Variants in ZSCAN4 observed in about 807,000 individuals in gnomAD.
ZSCAN4 encodes the protein zinc finger and SCAN domain containing 4.
ZSCAN4 carries 18 observed loss-of-function variants against 18.3 expected under a neutral mutation model. The ratio of observed to expected loss-of-function variants is 0.98; its 90% CI spans 0.68 to 1.46. ZSCAN4 has a LOEUF of 1.46. ZSCAN4 is among the 40% of genes most tolerant of loss of function. The pLI, the probability that ZSCAN4 is intolerant of heterozygous loss-of-function variation, is 0.00. For missense variants in ZSCAN4, 498 were observed against 511.4 expected, an observed-to-expected ratio of 0.97 and a Z score of 0.25; for synonymous variants, 193 against 180.3, an observed-to-expected ratio of 1.07 and a Z score of -0.57.
At chr19:57,672,596 A>G (rs2122297479) in intron 2 of ZSCAN4, among the ~76,000 whole-genome samples, 1 of 142,316 alleles carries the variant, frequency 7.0e-6, no homozygotes, top group Admixed American at 7.2e-5. Context: ...ATCACCTCAC[A>G]TAGTTATCTT....
the ZSCAN4 span, among the ~76,000 whole-genome samples, chr19:57,656,336 C>A: frequency 9.2e-5 from 14 of 152,240 alleles, no homozygotes; most frequent in African/African-American, 2.9e-4. Context: ...CAAACTAACA[C>A]TGGGGCTACC....
At chr19:57,667,517 A>G (rs1322150799), upstream of ZSCAN4, among the ~76,000 whole-genome samples, 2 of 152,188 alleles carry the variant, frequency 1.3e-5, no homozygotes, top group Non-Finnish European at 2.9e-5. Flanking sequence ...TGTGATGGAA[A>G]TGGGTTAACA....
At chr19:57,667,321 T>C (rs1203572192), upstream of ZSCAN4, among the ~76,000 whole-genome samples, 1 of 152,212 alleles carries the variant, frequency 6.6e-6, no homozygotes, top group East Asian at 1.9e-4. Flanking sequence ...CTGCTGGTTT[T>C]ACACAGTGGC....
At chr19:57,662,858 CCTAAGA>C in the ZSCAN4 span, among the ~76,000 whole-genome samples, 1 of 151,958 alleles carries the variant, frequency 6.6e-6, no homozygotes, top group South Asian at 2.1e-4. Context: ...CTACACCCAG[CCTAAGA>C]CTATTCTTTA....
At chr19:57,661,566 T>C in the ZSCAN4 span, among the ~76,000 whole-genome samples, 1 of 152,210 alleles carries the variant, frequency 6.6e-6, no homozygotes, top group South Asian at 2.1e-4. Flanking sequence ...TTCAATGGCA[T>C]AAGTGGTTTA....
the ZSCAN4 span, among the ~76,000 whole-genome samples, chr19:57,655,742 C>T: frequency 7.4e-4 from 112 of 152,118 alleles, 1 homozygote; most frequent in East Asian, 0.021. Flanking sequence ...CTATAAGGAC[C>T]TTTGACTCTG....
chr19:57,666,637 A>G (rs1983857650), upstream of ZSCAN4, among the ~76,000 whole-genome samples: 1 of 151,042 alleles, frequency 6.6e-6, no homozygotes, highest in South Asian at 2.1e-4. Flanking sequence ...TAATCCCAGC[A>G]CCTGGGGAGG....
At chr19:57,653,946 A>G in the ZSCAN4 span, among the ~76,000 whole-genome samples, 10 of 152,288 alleles carry the variant, frequency 6.6e-5, no homozygotes, top group East Asian at 1.9e-3. Flanking sequence ...TCTGGCAAGC[A>G]TTCTTGGCCT....
intron 2 of ZSCAN4, among the ~76,000 whole-genome samples, chr19:57,671,905 C>T (rs971893537): frequency 4.6e-5 from 7 of 152,154 alleles, no homozygotes; most frequent in African/African-American, 1.4e-4. Flanking sequence ...TTTTGTGTGT[C>T]CACGTATTAC....
At chr19:57,678,911 T>A in exon 5 of ZSCAN4, 1 of 1,579,280 alleles carries the variant, frequency 6.3e-7, no homozygotes, top group Non-Finnish European at 8.6e-7. Flanking sequence ...CCTAAGCTGC[T>A]GGTCTGATAA....
At chr19:57,659,002 T>C in the ZSCAN4 span, among the ~76,000 whole-genome samples, 3 of 152,290 alleles carry the variant, frequency 2.0e-5, no homozygotes, top group East Asian at 5.8e-4. Flanking sequence ...GGTCACTGTC[T>C]GCACATATAG....
intron 3 of ZSCAN4, among the ~76,000 whole-genome samples, chr19:57,676,978 C>T (rs953837622): frequency 1.3e-5 from 2 of 152,134 alleles, no homozygotes; most frequent in African/African-American, 4.8e-5. Context: ...AGCGTTCCAC[C>T]ATGTTGGCCA....
chr19:57,678,168 T>C (rs750765480), exon 5 of ZSCAN4: 1 of 1,612,954 alleles, frequency 6.2e-7, no homozygotes, highest in South Asian at 1.1e-5. Flanking sequence ...TTTCACAGGA[T>C]ATGAAGATGA....
chr19:57,657,657 G>C, the ZSCAN4 span, among the ~76,000 whole-genome samples: 2 of 152,180 alleles, frequency 1.3e-5, no homozygotes. Context: ...AGAAATACTT[G>C]TATAATCATT....
intron 2 of ZSCAN4, among the ~76,000 whole-genome samples, chr19:57,671,269 A>G (rs1984015619): frequency 6.6e-6 from 1 of 152,114 alleles, no homozygotes; most frequent in Non-Finnish European, 1.5e-5. Flanking sequence ...TGCCTGCGTC[A>G]CAGTTTGTAA....
In ZSCAN4 at chr19:57,675,701, C is replaced by T. The variant is rs570922222; in HGVS notation, c.-105-340C>T. Among the ~76,000 whole-genome samples, 8 of 152,270 alleles carry T rather than the reference C, an allele frequency of 5.3e-5. No individual in the cohort carries two copies. In the East Asian group the frequency reaches 9.6e-4, roughly 18 times the overall value. On this transcript the variant is annotated intron_variant, in intron 2 of 4. Transcript: ENST00000318203. ...TTATTATGTTCTTGTATCCATATCC[C>T]GTTAACGAAGTAAATTGCATTGATT...
At chr19:57,660,964 G>T in the ZSCAN4 span, among the ~76,000 whole-genome samples, 1 of 152,112 alleles carries the variant, frequency 6.6e-6, no homozygotes, top group Non-Finnish European at 1.5e-5. Context: ...TGAAGAATTG[G>T]TGTGATTGAT....
At chr19:57,657,642 T>C in the ZSCAN4 span, among the ~76,000 whole-genome samples, 3 of 152,188 alleles carry the variant, frequency 2.0e-5, no homozygotes. Context: ...TGGAAACGTG[T>C]CCATAGAAAT....
intron 2 of ZSCAN4, among the ~76,000 whole-genome samples, chr19:57,672,152 CT>C: frequency 6.6e-6 from 1 of 152,236 alleles, no homozygotes; most frequent in Non-Finnish European, 1.5e-5. Context: ...CTCACTTTTA[CT>C]TCTGAATCCT....
Sources: gnomAD v4.1 joint callset for allele counts (sites outside exome capture counted in the v4.1 genomes callset) on GRCh38, gnomAD v4.1.1 for gene constraint, MANE v1.5 for transcripts, NCBI Gene and HGNC (gene_info 2026-07-23, HGNC 2026-07-21) for gene names.